SPTA1: variants seen among roughly 807,000 people sequenced by gnomAD.
SPTA1 encodes the protein spectrin alpha chain, erythrocytic 1.
In SPTA1, 177 loss-of-function variants were observed where a neutral mutation model predicts 324.7. That is an observed-to-expected ratio of 0.55 (90% CI 0.48 to 0.62). SPTA1 has a LOEUF of 0.62. Ranked by LOEUF, SPTA1 falls within the 20% of genes least tolerant of loss-of-function variation. The probability of loss-of-function intolerance (pLI) is 0.00; values close to 1 mark genes in which losing one functional copy is unlikely to be tolerated. For missense variants in SPTA1, 3,162 were observed against 2,883.6 expected (o/e 1.10, Z -2.21); for synonymous variants, 1,195 against 1,041.3 (o/e 1.15, Z -2.84).
chr1:158,627,072 A>G (rs1036286846), intron 40 of SPTA1, 65 bp from the exon 41 acceptor site: 88 of 1,590,100 alleles, frequency 5.5e-5, no homozygotes, highest in Non-Finnish European at 7.0e-5. Context: ...ATCCATTAGT[A>G]CCAATAGAAA....
intron 49 of SPTA1, 148 bp from the exon 50 acceptor site, chr1:158,614,015 T>A: frequency 3.1e-6 from 3 of 958,580 alleles, no homozygotes. Context: ...CCTGTCTGTG[T>A]CATGTACATT....
rs1650318808 is a variant in SPTA1 at position 158,626,975 on chromosome 1, A to T, written c.5697T>A (p.Ile1899=). Residue 1899 remains isoleucine (I), a synonymous_variant, in exon 41 of 52, where the codon ATT becomes ATA. Transcript: ENST00000643759. ...CATTCAGAGCCTCTATCTTGGAAGAAATCTCTTTGTTCTGACTTTCCTCCT... is the reference window on the plus strand; with the variant it reads ...CATTCAGAGCCTCTATCTTGGAAGATATCTCTTTGTTCTGACTTTCCTCCT... ...VLQEESQNKE[I]SSKIEALNEK... 6.2e-7 allele frequency: 1 copy of T among 1,613,878 alleles called. No individual in the cohort carries two copies. The highest frequency in any genetic ancestry group is 1.3e-5 in the African/African-American group (1 of 75,036).
Position 158,685,353 on chromosome 1 carries a change from A to T in SPTA1, c.25-6T>A. The T allele has an allele frequency of 6.2e-7, 1 of 1,612,786 alleles. No homozygotes were observed. Among genetic ancestry groups the T allele is most frequent in the Non-Finnish European group, 8.5e-7 (1 of 1,179,746 alleles). On this transcript the variant is annotated splice_polypyrimidine_tract_variant and splice_region_variant and intron_variant, in intron 1 of 51. Transcript: ENST00000643759. Reference sequence around the variant, plus strand: ...GGCCCACTGCTCTCCACAACCTGCAAGTTAAAAAGATTCTGTTACTTGCTA... The same window carrying T: ...GGCCCACTGCTCTCCACAACCTGCATGTTAAAAAGATTCTGTTACTTGCTA...
intron 47 of SPTA1, among the ~76,000 whole-genome samples, chr1:158,616,205 T>C (rs1184563059): frequency 6.6e-6 from 1 of 152,216 alleles, no homozygotes; most frequent in Non-Finnish European, 1.5e-5. Context: ...AATCAGTATA[T>C]GTTGGATGTC....
intron 17 of SPTA1, among the ~76,000 whole-genome samples, chr1:158,661,813 T>C (rs1239184554): frequency 6.6e-6 from 1 of 152,196 alleles, no homozygotes; most frequent in Non-Finnish European, 1.5e-5. Flanking sequence ...TATGCCCAAG[T>C]TTTCTCATCA....
At position 158,676,059 on chromosome 1, in the gene SPTA1, C is replaced by T. The variant is rs987352729; in HGVS notation, c.1112+82G>A. 5.0e-6 allele frequency: 8 copies of T among 1,587,476 alleles called. No individual in the cohort carries two copies. In the African/African-American group the frequency reaches 1.1e-4, roughly 21 times the overall value. ...AGCTGATTCTCTCGCTATTTGACTC[C>T]CTTTACTCTTATTTCTTCTCTCGCT... On this transcript the variant is annotated intron_variant, in intron 8 of 51. Coordinates refer to ENST00000643759, the MANE Select transcript of SPTA1 (RefSeq NM_003126.4).
chr1:158,675,980 C>A (rs1654365372), intron 8 of SPTA1, among the ~76,000 whole-genome samples, 161 bp downstream of exon 8: 1 of 152,152 alleles, frequency 6.6e-6, no homozygotes, highest in Non-Finnish European at 1.5e-5. Flanking sequence ...ATATCAGTCA[C>A]AAAGGACTTC....
chr1:158,640,950 C>T (rs1331461007), intron 33 of SPTA1, among the ~76,000 whole-genome samples: 1 of 152,078 alleles, frequency 6.6e-6, no homozygotes, highest in Non-Finnish European at 1.5e-5. Context: ...GGTACTGGTA[C>T]CAAAACAGAG....
chr1:158,629,119 A>G (rs1257553869), intron 39 of SPTA1, among the ~76,000 whole-genome samples: 1 of 138,842 alleles, frequency 7.2e-6, no homozygotes, highest in African/African-American at 2.9e-5. Context: ...AATTCTCTCA[A>G]TAGATAGATA....
chr1:158,686,372 C>A, intron 1 of SPTA1, 122 bp downstream of exon 1: 1 of 763,302 alleles, frequency 1.3e-6, no homozygotes, highest in Non-Finnish European at 2.3e-6. Flanking sequence ...GTAAAATTAT[C>A]TATTTGTTAA....
At chr1:158,685,010 A>G (rs1410222941) in intron 2 of SPTA1, 98 bp downstream of exon 2, 58 of 1,399,108 alleles carry the variant, frequency 4.1e-5, no homozygotes, top group Non-Finnish European at 5.6e-5. Flanking sequence ...ATCTAATTGT[A>G]CCCACACATA....
At chr1:158,639,766 A>G in intron 34 of SPTA1, 80 bp from the exon 35 acceptor site, 2 of 1,612,254 alleles carry the variant, frequency 1.2e-6, no homozygotes, top group Non-Finnish European at 1.7e-6. Flanking sequence ...TATGTCCCCA[A>G]ACTTTTCCCA....
intron 10 of SPTA1, among the ~76,000 whole-genome samples, chr1:158,672,570 T>C (rs1654101177): frequency 6.6e-6 from 1 of 152,152 alleles, no homozygotes; most frequent in African/African-American, 2.4e-5. Flanking sequence ...TAATGTGAGC[T>C]AGAGAAAAGT....
At position 158,662,712 on chromosome 1, in the gene SPTA1, G is replaced by A; in HGVS notation, c.2454C>T (p.Ser818=). The A allele has an allele frequency of 6.2e-7, 1 of 1,613,872 alleles. No individual in the cohort carries two copies. Among genetic ancestry groups the A allele is most frequent in the Non-Finnish European group, 8.5e-7 (1 of 1,179,932 alleles). The stretch of plus-strand genomic sequence containing the variant: ...TCAGGCTGTACTAACCAAGGTAGGT[G>A]GAAGTAGCTGAGGGTTCAGTCTCTT... The part of the protein sequence containing the change: ...WIQETEPSAT[S]TYLGKDLIAS... Residue 818 remains serine (S), a synonymous_variant, in exon 17 of 52, where the codon TCC becomes TCT. Transcript: ENST00000643759.
intron 44 of SPTA1, 50 bp from the exon 45 acceptor site, chr1:158,619,384 T>C: frequency 6.3e-7 from 1 of 1,577,132 alleles, no homozygotes; most frequent in Non-Finnish European, 8.7e-7. Flanking sequence ...GGCCTTTCTT[T>C]GCCATAAGAG....
At position 158,642,560 on chromosome 1, in the gene SPTA1, C is replaced by T. The variant is rs1483732355; in HGVS notation, c.4606-18G>A. 7 of 1,612,890 alleles carry T rather than the reference C, an allele frequency of 4.3e-6. No individual in the cohort carries two copies. The East Asian group carries it at 1.6e-4, about 36-fold the overall frequency. On this transcript the variant is annotated intron_variant, in intron 32 of 51. Transcript: ENST00000643759. ...TATTTCCTCTGAAGGGAAAATGAAA[C>T]AGAAATTATATTATCTTTTTATTTA...
At chr1:158,672,409 G>A (rs917974663) in intron 10 of SPTA1, among the ~76,000 whole-genome samples, 2 of 152,094 alleles carry the variant, frequency 1.3e-5, no homozygotes, top group Admixed American at 6.5e-5. Flanking sequence ...ATAAGGAAAT[G>A]AAAAAGACTA....
In SPTA1 at chr1:158,671,965, C is replaced by T. The variant is rs1654054538; in HGVS notation, c.1488+94G>A. 11 of 1,506,294 alleles carry T rather than the reference C, an allele frequency of 7.3e-6. No individual in the cohort carries two copies. The South Asian group carries it at 1.0e-4, about 14-fold the overall frequency. The allele number at this position is 1,506,294 out of a possible 1,614,324, so 93.3% of individuals were successfully genotyped here. On this transcript the variant is annotated intron_variant, in intron 11 of 51. Coordinates refer to ENST00000643759, the MANE Select transcript of SPTA1 (RefSeq NM_003126.4). The stretch of plus-strand genomic sequence containing the variant: ...AGTTCCCAAGACAAGCTCTGACTCA[C>T]AGGAGTGGTTGTGAGGGAACTCATG...
chr1:158,653,941 TAA>T (rs1652644385), intron 21 of SPTA1, among the ~76,000 whole-genome samples: 1 of 152,144 alleles, frequency 6.6e-6, no homozygotes, highest in African/African-American at 2.4e-5. Flanking sequence ...CCTCAAAAAA[TAA>T]TGAAGAGGCC....
Sources: allele counts gnomAD v4.1 joint callset (sites outside exome capture counted in the v4.1 genomes callset), GRCh38; gene constraint gnomAD v4.1.1; transcripts MANE v1.5; gene names NCBI Gene and HGNC (gene_info 2026-07-23, HGNC 2026-07-21).